Variants in VWCE observed in about 807,000 individuals in gnomAD.
VWCE encodes von Willebrand factor C and EGF domains, also known as von Willebrand factor C and EGF domain-containing protein.
Under a neutral mutation model 102.9 loss-of-function variants are expected in VWCE, and 68 were observed. The observed-to-expected ratio is 0.66, with a 90% CI of 0.54 to 0.81. The LOEUF (loss-of-function observed/expected upper bound fraction) is 0.81. VWCE is among the 30% of genes least tolerant of loss of function. The pLI is 0.00. For missense variants in VWCE, 1,137 were observed against 1,263.6 expected, an observed-to-expected ratio of 0.90 and a Z score of 1.52; for synonymous variants, 497 against 515.4, an observed-to-expected ratio of 0.96 and a Z score of 0.48.
chr11:61,291,837 G>T (rs993728955), intron 1 of VWCE, among the ~76,000 whole-genome samples: 1 of 152,206 alleles, frequency 6.6e-6, no homozygotes, highest in African/African-American at 2.4e-5. Context: ...CCAGGAGAGG[G>T]GCCTCAGAGT....
intron 10 of VWCE, among the ~76,000 whole-genome samples, chr11:61,277,528 G>A (rs1854966256): frequency 6.6e-6 from 1 of 152,004 alleles, no homozygotes; most frequent in East Asian, 1.9e-4. Flanking sequence ...TGGGAGGATC[G>A]CTTGAGCCCG....
intron 10 of VWCE, among the ~76,000 whole-genome samples, chr11:61,278,009 A>C (rs1409657568): frequency 1.3e-5 from 2 of 152,168 alleles, no homozygotes; most frequent in East Asian, 3.9e-4. Flanking sequence ...ACTTTTAACA[A>C]GCTGAGTTTG....
intron 1 of VWCE, among the ~76,000 whole-genome samples, chr11:61,293,398 C>G (rs1855575261): frequency 7.7e-6 from 1 of 130,120 alleles, no homozygotes; most frequent in Non-Finnish European, 1.6e-5. Flanking sequence ...GCCTGGGTGA[C>G]AGAATAAGAT....
At chr11:61,262,959 G>A (rs1344871066) in intron 19 of VWCE, among the ~76,000 whole-genome samples, 2 of 152,190 alleles carry the variant, frequency 1.3e-5, no homozygotes, top group African/African-American at 4.8e-5. Flanking sequence ...TCCATCAATA[G>A]TACTTCATTG....
At chr11:61,259,428 A>C (rs1590603349) in intron 19 of VWCE, 116 bp from the exon 20 acceptor site, 1 of 1,315,536 alleles carries the variant, frequency 7.6e-7, no homozygotes, top group Non-Finnish European at 1.0e-6. Flanking sequence ...GCCTCAGCAC[A>C]CCTGGTGAGG....
In VWCE at chr11:61,293,016, C is replaced by T. The variant is rs529622009; in HGVS notation, c.111-1440G>A. ...CAGCACTTTGGGAGGCCAAGGCGGG[C>T]GGATCACCCGAGGTCAGGAGTTTGA... On this transcript the variant is annotated intron_variant, in intron 1 of 19. Coordinates refer to ENST00000335613, the MANE Select transcript of VWCE (RefSeq NM_152718.2). Among the ~76,000 whole-genome samples, 27 of 151,702 alleles carry T rather than the reference C, an allele frequency of 1.8e-4. 1 individual carries two copies. Among genetic ancestry groups the T allele is most frequent in the African/African-American group, 6.5e-4 (27 of 41,376 alleles).
chr11:61,288,154 T>TAAA (rs1855392965), intron 4 of VWCE, among the ~76,000 whole-genome samples: 1 of 61,992 alleles, frequency 1.6e-5, no homozygotes, highest in African/African-American at 1.9e-4. Flanking sequence ...AGACTCTGTC[T>TAAA]CAAAAAAAAA....
chr11:61,283,909 G>A (rs1855226610), intron 5 of VWCE, among the ~76,000 whole-genome samples: 1 of 152,198 alleles, frequency 6.6e-6, no homozygotes, highest in South Asian at 2.1e-4. Context: ...TAATCTCCAT[G>A]TTCATCAATA....
At chr11:61,287,178 C>T (rs1441606351) in intron 4 of VWCE, among the ~76,000 whole-genome samples, 1 of 152,166 alleles carries the variant, frequency 6.6e-6, no homozygotes, top group Non-Finnish European at 1.5e-5. Flanking sequence ...AACAAATCAA[C>T]CCCACAAGGA....
chr11:61,285,409 G>A (rs182853305), intron 5 of VWCE, among the ~76,000 whole-genome samples: 2 of 152,268 alleles, frequency 1.3e-5, no homozygotes, highest in Admixed American at 6.5e-5. Flanking sequence ...CTCTCATCCT[G>A]CAAACTGAAG....
chr11:61,269,445 CT>C (rs1244812610), intron 14 of VWCE: 789 of 150,018 alleles, frequency 5.3e-3, no homozygotes, highest in Admixed American at 0.012. Context: ...AGGTTTCTTT[CT>C]TTTTTTTTTT....
At chr11:61,274,168 C>A (rs1164495729) in intron 12 of VWCE, among the ~76,000 whole-genome samples, 1 of 152,150 alleles carries the variant, frequency 6.6e-6, no homozygotes, top group Non-Finnish European at 1.5e-5. Flanking sequence ...TACTTAACAT[C>A]CCGCCTTCCA....
At chr11:61,286,998 G>A (rs1373649775) in intron 4 of VWCE, among the ~76,000 whole-genome samples, 4 of 151,998 alleles carry the variant, frequency 2.6e-5, no homozygotes, top group African/African-American at 9.7e-5. Context: ...TTGGGAGGCT[G>A]AGGCAGGAGA....
chr11:61,259,050 T>C lies in VWCE; in HGVS notation c.2493A>G (p.Thr831=), dbSNP rs1854275510. ...CCCCAGGCTCCCCTGGGAAAGTGGC[T>C]GTCAGCCCCAAAGCGAGTGAGTGTG... ...HGPHSLALGL[T]ATFPGEPGAS... Residue 831 remains threonine, a synonymous_variant, in exon 20 of 20, where the codon ACA becomes ACG. Transcript: ENST00000335613. 8 of 1,613,944 alleles carry C rather than the reference T, an allele frequency of 5.0e-6. No homozygotes were observed. Among genetic ancestry groups the C allele is most frequent in the Middle Eastern group, 1.7e-4 (1 of 6,052 alleles).
At chr11:61,282,759 G>A in intron 6 of VWCE, 30 bp downstream of exon 6, 1 of 1,580,248 alleles carries the variant, frequency 6.3e-7, no homozygotes, top group Middle Eastern at 1.9e-4. Context: ...CAGCCTAAGT[G>A]TGCAGACCAC....
In VWCE at chr11:61,271,745, T is replaced by C; in HGVS notation, c.1715A>G (p.Asp572Gly). 5 of 1,613,442 alleles carry C rather than the reference T, an allele frequency of 3.1e-6. No individual in the cohort carries two copies. Among genetic ancestry groups the C allele is most frequent in the Non-Finnish European group, 4.2e-6 (5 of 1,179,748 alleles). Residue 572 changes from aspartate (D) to glycine (G), a missense_variant, in exon 14 of 20, where the codon GAC (aspartate) becomes GGC (glycine). Coordinates refer to ENST00000335613, the MANE Select transcript of VWCE (RefSeq NM_152718.2). ...PTPSTGCSLD[D>G]NGVEFPIGQI... The stretch of plus-strand genomic sequence containing the variant: ...TCCAATCGGAAACTCAACCCCGTTG[T>C]CGTCAAGAGAGCAGCCTGGATGAGG...
chr11:61,276,306 T>C (rs1459332439), intron 11 of VWCE, among the ~76,000 whole-genome samples: 1 of 151,390 alleles, frequency 6.6e-6, no homozygotes, highest in Non-Finnish European at 1.5e-5. Context: ...TACTCCCTAC[T>C]CCGGAGGCTC....
chr11:61,282,001 G>A (rs185242939), intron 6 of VWCE, 87 bp from the exon 7 acceptor site: 1 of 1,532,944 alleles, frequency 6.5e-7, no homozygotes, highest in East Asian at 2.3e-5. Flanking sequence ...AACACTTGGG[G>A]AGTTTCTCTG....
chr11:61,293,671 T>C (rs1055418961), intron 1 of VWCE, among the ~76,000 whole-genome samples: 1 of 152,194 alleles, frequency 6.6e-6, no homozygotes, highest in Admixed American at 6.5e-5. Context: ...GGGAAGATGA[T>C]TCTGCGAGGC....
Sources: allele counts gnomAD v4.1 joint callset (sites outside exome capture counted in the v4.1 genomes callset), GRCh38; gene constraint gnomAD v4.1.1; transcripts MANE v1.5; gene names NCBI Gene and HGNC (gene_info 2026-07-23, HGNC 2026-07-21).